The following VPS13B variants were observed in gnomAD, a reference collection of about 807,000 sequenced individuals.
The protein encoded by VPS13B is intermembrane lipid transfer protein VPS13B.
A neutral mutation model predicts 426.4 loss-of-function variants in VPS13B; 285 were observed. The observed-to-expected ratio is 0.67, with a 90% CI of 0.61 to 0.74. The LOEUF (loss-of-function observed/expected upper bound fraction) is 0.74, where lower values mean the gene tolerates loss of function less well. Among genes scored for constraint, VPS13B ranks in the 30% least tolerant of loss-of-function variants. The pLI is 0.00. For missense variants in VPS13B, 4,537 were observed against 4,782.6 expected (o/e 0.95, Z 1.51); for synonymous variants, 1,676 against 1,676.4 (o/e 1.00, Z 0.01).
chr8:99,511,048 T>G, intron 28 of VPS13B, 56 bp from the exon 29 acceptor site: 1 of 1,595,190 alleles, frequency 6.3e-7, no homozygotes, highest in Non-Finnish European at 8.5e-7. Context: ...CTTTCCAATT[T>G]TTAAAAAAAA....
At chr8:99,720,791 T>A (rs1406503751) in intron 38 of VPS13B, 72 bp from the exon 39 acceptor site, 3 of 1,408,056 alleles carry the variant, frequency 2.1e-6, no homozygotes, top group Admixed American at 2.0e-5. Context: ...CATAATTTCT[T>A]CTTCCTTTAC....
chr8:99,342,811 G>A (rs1811324020), intron 19 of VPS13B, among the ~76,000 whole-genome samples: 1 of 151,042 alleles, frequency 6.6e-6, no homozygotes, highest in Non-Finnish European at 1.5e-5. Context: ...GTTTTTTGAG[G>A]AACCTCCATA....
intron 16 of VPS13B, among the ~76,000 whole-genome samples, chr8:99,184,327 C>G (rs1813101525): frequency 6.6e-6 from 1 of 152,086 alleles, no homozygotes; most frequent in Non-Finnish European, 1.5e-5. Flanking sequence ...ATTTTATATT[C>G]CTTCCAACAA....
chr8:99,700,531 G>A (rs1328443971), intron 36 of VPS13B, among the ~76,000 whole-genome samples: 2 of 152,210 alleles, frequency 1.3e-5, no homozygotes, highest in African/African-American at 2.4e-5. Flanking sequence ...CAAGAATGCT[G>A]TTGAGGCATT....
At chr8:99,589,253 G>A (rs371187294) in intron 33 of VPS13B, among the ~76,000 whole-genome samples, 2 of 151,658 alleles carry the variant, frequency 1.3e-5, no homozygotes, top group South Asian at 2.1e-4. Context: ...TGTGCACAAC[G>A]TGCAGGTTTG....
intron 17 of VPS13B, among the ~76,000 whole-genome samples, chr8:99,251,306 A>T (rs927057226): frequency 6.6e-6 from 1 of 152,086 alleles, no homozygotes; most frequent in East Asian, 1.9e-4. Context: ...TTTGTAGATG[A>T]TCTTTCTTAG....
intron 31 of VPS13B, 101 bp from the exon 32 acceptor site, chr8:99,575,556 AT>A: frequency 7.0e-7 from 1 of 1,428,808 alleles, no homozygotes; most frequent in East Asian, 2.3e-5. Flanking sequence ...TAATAATGTA[AT>A]TTTGCCATAC....
At chr8:99,831,993 A>G (rs1283523925) in intron 51 of VPS13B, among the ~76,000 whole-genome samples, 1 of 152,032 alleles carries the variant, frequency 6.6e-6, no homozygotes. Context: ...AGGCGTGGTG[A>G]CTCACGCCTG....
At chr8:99,264,138 A>G (rs1365499677) in intron 17 of VPS13B, among the ~76,000 whole-genome samples, 10 of 151,696 alleles carry the variant, frequency 6.6e-5, no homozygotes, top group Non-Finnish European at 1.5e-4. Context: ...TAATTCCCTC[A>G]AACTCTGACA....
chr8:99,105,625 T>C (rs1157067394), intron 5 of VPS13B, among the ~76,000 whole-genome samples: 3 of 152,182 alleles, frequency 2.0e-5, no homozygotes, highest in Non-Finnish European at 4.4e-5. Flanking sequence ...GTGATCTGCC[T>C]GCCTCAGCTT....
intron 36 of VPS13B, among the ~76,000 whole-genome samples, chr8:99,712,841 AT>A (rs558416014): frequency 1.6e-4 from 24 of 151,168 alleles, no homozygotes; most frequent in Non-Finnish European, 3.0e-4. Flanking sequence ...CAAGTCTGGA[AT>A]TTTTTTTTCA....
At chr8:99,135,227 CTA>C in intron 10 of VPS13B, 90 bp downstream of exon 10, 1 of 1,522,564 alleles carries the variant, frequency 6.6e-7, no homozygotes, top group Non-Finnish European at 9.0e-7. Flanking sequence ...ATCTGTTAGA[CTA>C]TATATATCTC....
chr8:99,451,323 C>G (rs957946681), intron 23 of VPS13B, among the ~76,000 whole-genome samples: 2 of 152,106 alleles, frequency 1.3e-5, no homozygotes, highest in African/African-American at 4.8e-5. Context: ...TCCTAAATTT[C>G]CCTTATTTGT....
chr8:99,796,327 AGTG>A, intron 43 of VPS13B, among the ~76,000 whole-genome samples: 1 of 151,946 alleles, frequency 6.6e-6, no homozygotes, highest in East Asian at 1.9e-4. Context: ...GAAGTGACGA[AGTG>A]GTGATGATGA....
chr8:99,463,389 T>C (rs1364782726), intron 23 of VPS13B, among the ~76,000 whole-genome samples: 1 of 152,202 alleles, frequency 6.6e-6, no homozygotes, highest in African/African-American at 2.4e-5. Flanking sequence ...ATATGTAAAA[T>C]GTTTTTCACA....
chr8:99,621,977 G>T (rs1419602910), intron 33 of VPS13B, among the ~76,000 whole-genome samples: 2 of 151,756 alleles, frequency 1.3e-5, no homozygotes, highest in Non-Finnish European at 2.9e-5. Flanking sequence ...GGGACTACAG[G>T]CACTCACCAC....
chr8:99,249,057 TC>T (rs1397834160), intron 17 of VPS13B, among the ~76,000 whole-genome samples: 7 of 152,124 alleles, frequency 4.6e-5, no homozygotes, highest in African/African-American at 1.7e-4. Flanking sequence ...CTCTCCCTCA[TC>T]CCCTGGTATC....
In VPS13B at chr8:99,641,840, T is replaced by A. The variant is rs752187126; in HGVS notation, c.5250T>A (p.Asp1750Glu). ...CTAAACAAGAACAGAAAAAAGTGGA[T>A]ATATTTGATGGAGGCATGGCTGAAA... is the stretch of plus-strand genomic sequence containing the variant. Reference protein sequence around the residue: ...EISKQEQKKVDIFDGGMAETS... With the variant: ...EISKQEQKKVEIFDGGMAETS... Residue 1750 changes from aspartate to glutamate, a missense_variant, in exon 34 of 62, where the codon GAT becomes GAA. Transcript: ENST00000357162. The A allele has an allele frequency of 3.1e-6, 5 of 1,612,676 alleles. No individual in the cohort carries two copies. The highest frequency in any genetic ancestry group is 4.2e-6 in the Non-Finnish European group (5 of 1,179,094).
At chr8:99,461,710 T>C (rs537142314) in intron 23 of VPS13B, among the ~76,000 whole-genome samples, 1 of 152,244 alleles carries the variant, frequency 6.6e-6, no homozygotes, top group East Asian at 1.9e-4. Context: ...CTCTTCCAAA[T>C]AGTCCCACAG....
Sources: allele counts gnomAD v4.1 joint callset (sites outside exome capture counted in the v4.1 genomes callset), GRCh38; gene constraint gnomAD v4.1.1; transcripts MANE v1.5; gene names NCBI Gene and HGNC (gene_info 2026-07-23, HGNC 2026-07-21).